Variants in ITPR2 observed in about 807,000 individuals in gnomAD.
ITPR2 encodes the protein inositol 1,4,5-trisphosphate-gated calcium channel ITPR2.
ITPR2 carries 207 observed loss-of-function variants against 317.1 expected under a neutral mutation model. The ratio of observed to expected loss-of-function variants is 0.65; its 90% CI spans 0.58 to 0.73. The LOEUF is 0.73. ITPR2 is among the 30% of genes least tolerant of loss of function. The pLI is 0.00. For synonymous variants in ITPR2, 1,156 were observed against 1,149.1 expected (o/e 1.01, Z -0.12); for missense variants, 2,613 against 3,284.0 (o/e 0.80, Z 4.99).
intron 43 of ITPR2, among the ~76,000 whole-genome samples, chr12:26,480,284 T>C (rs938766418): frequency 1.3e-5 from 2 of 152,182 alleles, no homozygotes; most frequent in African/African-American, 2.4e-5. Flanking sequence ...CTCTTATAAA[T>C]GAAACTGCTG....
chr12:26,415,143 G>A (rs143086101), intron 51 of ITPR2, among the ~76,000 whole-genome samples, 160 bp downstream of exon 51: 19 of 152,120 alleles, frequency 1.2e-4, no homozygotes, highest in African/African-American at 3.9e-4. Context: ...CAGCCTAAGA[G>A]TACTTCACAT....
intron 2 of ITPR2, among the ~76,000 whole-genome samples, chr12:26,735,112 T>C (rs1234424452): frequency 1.3e-5 from 2 of 149,194 alleles, no homozygotes; most frequent in East Asian, 2.1e-4. Context: ...ACGATTCTCC[T>C]GTCTCAGCCT....
chr12:26,487,306 T>G, intron 39 of ITPR2, 55 bp from the exon 40 acceptor site: 1 of 1,322,082 alleles, frequency 7.6e-7, no homozygotes, highest in Non-Finnish European at 1.0e-6. Flanking sequence ...AAATGGTGTT[T>G]TTATGCTTGA....
intron 2 of ITPR2, among the ~76,000 whole-genome samples, chr12:26,730,552 T>C (rs1458499161): frequency 1.3e-5 from 2 of 152,204 alleles, no homozygotes; most frequent in Admixed American, 1.3e-4. Flanking sequence ...TTATTTTTGT[T>C]TAATTTTTTT....
At chr12:26,476,044 A>T (rs959385794) in intron 44 of ITPR2, among the ~76,000 whole-genome samples, 1 of 152,254 alleles carries the variant, frequency 6.6e-6, no homozygotes, top group Non-Finnish European at 1.5e-5. Flanking sequence ...ATTCACTGCC[A>T]CATTTAACCA....
At chr12:26,458,126 A>C (rs1274549560) in intron 45 of ITPR2, among the ~76,000 whole-genome samples, 1 of 152,166 alleles carries the variant, frequency 6.6e-6, no homozygotes, top group Non-Finnish European at 1.5e-5. Flanking sequence ...GTGGAAAGTG[A>C]ATTGAAAAGG....
intron 52 of ITPR2, among the ~76,000 whole-genome samples, chr12:26,404,610 G>A (rs2136658466): frequency 6.6e-6 from 1 of 151,876 alleles, no homozygotes; most frequent in East Asian, 1.9e-4. Context: ...AAGGAGAGAG[G>A]GTCGGTCAAC....
Position 26,475,556 on chromosome 12 carries a change from C to T in ITPR2, c.6220-138G>A, listed in dbSNP as rs565988354. 4.9e-6 allele frequency: 4 copies of T among 823,166 alleles called. No individual in the cohort carries two copies. In the African/African-American group the frequency reaches 5.2e-5, roughly 11 times the overall value. 51.0% of individuals were successfully genotyped at this position (823,166 alleles called of 1,614,324 possible). A position where few individuals can be genotyped will look rare whatever the true frequency, so the allele number is the denominator to read the frequency against. On this transcript the variant is annotated intron_variant, in intron 44 of 56. Coordinates refer to ENST00000381340, the MANE Select transcript of ITPR2 (RefSeq NM_002223.4). ...CTCTAAATGAAAATGGCCTTGGAAA[C>T]CATCCTTATTTCAATGAACATGGAA...
At chr12:26,511,713 G>C (rs1254673725) in intron 37 of ITPR2, among the ~76,000 whole-genome samples, 1 of 152,140 alleles carries the variant, frequency 6.6e-6, no homozygotes, top group African/African-American at 2.4e-5. Flanking sequence ...TGAATAGAAA[G>C]TAATTACTCT....
In ITPR2 at chr12:26,658,629, A is replaced by G. The variant is rs111718010; in HGVS notation, c.1886+484T>C. The stretch of plus-strand genomic sequence containing the variant: ...TTGCCAATTGGCTTGACTTGTCTGC[A>G]CTCATTTCTTCAAGATAAGGCAGCA... On this transcript the variant is annotated intron_variant, in intron 16 of 56. Transcript: ENST00000381340. Among the ~76,000 whole-genome samples the G allele has an allele frequency of 6.9e-3, 1,054 of 152,286 alleles. 6 individuals carry two copies. Among genetic ancestry groups the G allele is most frequent in the South Asian group, 0.025 (120 of 4,826 alleles).
intron 39 of ITPR2, 48 bp downstream of exon 39, chr12:26,494,105 A>G (rs938376580): frequency 7.7e-6 from 11 of 1,424,506 alleles, no homozygotes; most frequent in Non-Finnish European, 1.1e-5. Context: ...ACAAGTAAAC[A>G]AGAAATACCA....
chr12:26,619,100 G>T (rs1946438398), intron 26 of ITPR2, among the ~76,000 whole-genome samples: 1 of 152,192 alleles, frequency 6.6e-6, no homozygotes, highest in Admixed American at 6.5e-5. Flanking sequence ...TGAATTTCCA[G>T]CTACAGAAGT....
intron 35 of ITPR2, among the ~76,000 whole-genome samples, chr12:26,558,309 T>C (rs890885038): frequency 6.6e-6 from 1 of 152,228 alleles, no homozygotes; most frequent in Non-Finnish European, 1.5e-5. Flanking sequence ...ATTTTGGTCA[T>C]GAGGCAACTA....
chr12:26,797,752 T>C (rs1400884741), intron 1 of ITPR2, among the ~76,000 whole-genome samples: 2 of 139,588 alleles, frequency 1.4e-5, no homozygotes, highest in East Asian at 2.2e-4. Context: ...AGTGCAATGG[T>C]GCAATCTTGG....
Position 26,486,134 on chromosome 12 carries a change from T to C in ITPR2, c.5781A>G (p.Leu1927=), listed in dbSNP as rs1360537426. Residue 1927 remains leucine (L), a synonymous_variant, in exon 41 of 57, where the codon TTA becomes TTG. Coordinates refer to ENST00000381340, the MANE Select transcript of ITPR2 (RefSeq NM_002223.4). ...IMQPILRFLQ[L]LCENHNRELQ... ...ATTCCCGGTTGTGATTCTCACACAG[T>C]AACTGAAGAAATCTCAGTATTGGCT... The C allele has an allele frequency of 1.2e-6, 2 of 1,614,156 alleles. No individual in the cohort carries two copies. Among genetic ancestry groups the C allele is most frequent in the South Asian group, 1.1e-5 (1 of 91,076 alleles).
intron 37 of ITPR2, among the ~76,000 whole-genome samples, chr12:26,536,116 C>T (rs1205475713): frequency 6.6e-6 from 1 of 152,100 alleles, no homozygotes; most frequent in African/African-American, 2.4e-5. Flanking sequence ...TTTTTTTGTA[C>T]AAGAACTTTG....
intron 37 of ITPR2, among the ~76,000 whole-genome samples, chr12:26,498,448 T>G (rs1176084912): frequency 1.3e-5 from 2 of 152,194 alleles, no homozygotes; most frequent in East Asian, 1.9e-4. Context: ...TTCTTTGGAG[T>G]CAACGCCTTT....
intron 55 of ITPR2, among the ~76,000 whole-genome samples, chr12:26,369,770 G>C (rs1011585338): frequency 2.0e-5 from 3 of 152,206 alleles, no homozygotes; most frequent in African/African-American, 7.2e-5. Flanking sequence ...CTCAGCAGGA[G>C]AGAGGCTGGT....
At chr12:26,705,382 G>A (rs1407821319) in intron 9 of ITPR2, among the ~76,000 whole-genome samples, 1 of 152,062 alleles carries the variant, frequency 6.6e-6, no homozygotes, top group South Asian at 2.1e-4. Context: ...TCCTTGCTTG[G>A]TATTTGTAAT....
Sources: gnomAD v4.1 joint callset for allele counts (sites outside exome capture counted in the v4.1 genomes callset) on GRCh38, gnomAD v4.1.1 for gene constraint, MANE v1.5 for transcripts, NCBI Gene and HGNC (gene_info 2026-07-23, HGNC 2026-07-21) for gene names.